Variants in TACC3 observed in about 807,000 individuals in gnomAD.
TACC3 encodes the protein transforming acidic coiled-coil-containing protein 3.
TACC3 carries 52 observed loss-of-function variants against 86.0 expected under a neutral mutation model. The ratio of observed to expected loss-of-function variants is 0.60; its 90% confidence interval spans 0.48 to 0.76. The LOEUF (loss-of-function observed/expected upper bound fraction) is 0.76. Ranked by LOEUF, TACC3 falls within the 30% of genes least tolerant of loss-of-function variation. The pLI, the probability that TACC3 is intolerant of heterozygous loss-of-function variation, is 0.00. For synonymous variants in TACC3, 512 were observed against 430.0 expected (o/e 1.19, Z -2.36); for missense variants, 1,120 against 1,070.4 (o/e 1.05, Z -0.65).
In TACC3 at chr4:1,727,868, A is replaced by G. The variant is rs531939381; in HGVS notation, c.466A>G (p.Ser156Gly). The G allele has an allele frequency of 3.3e-5, 53 of 1,613,742 alleles. No individual in the cohort carries two copies. In the East Asian group the frequency reaches 8.9e-4, roughly 27 times the overall value. The change falls in exon 4 of 16, where the codon AGC becomes GGC. Residue 156 changes from serine (S) to glycine (G), a missense_variant. Coordinates refer to ENST00000313288, the MANE Select transcript of TACC3 (RefSeq NM_006342.3). ...PGALADLDCS[S>G]SSQSPGSSEN... ...TGCCCTGGCTGACCTGGACTGCTCAAGCTCTTCCCAGAGCCCAGGAAGTTC... is the reference window on the plus strand; with the variant it reads ...TGCCCTGGCTGACCTGGACTGCTCAGGCTCTTCCCAGAGCCCAGGAAGTTC...
intron 15 of TACC3, 25 bp from the exon 16 acceptor site, chr4:1,744,923 C>A: frequency 6.2e-7 from 1 of 1,611,604 alleles, no homozygotes. Flanking sequence ...AGGGAGAAGC[C>A]CCGCAACTCA....
intron 13 of TACC3, 117 bp from the exon 14 acceptor site, chr4:1,744,401 C>G: frequency 1.1e-6 from 1 of 914,880 alleles, no homozygotes; most frequent in Non-Finnish European, 1.7e-6. Context: ...ACGGGAGCTA[C>G]TGGCTCACGG....
chr4:1,735,740 T>A lies in TACC3; in HGVS notation c.1654T>A (p.Ser552Thr), dbSNP rs1437010769. The change falls in exon 8 of 16, where the codon TCG (serine) becomes ACG (threonine). Residue 552 changes from serine (S) to threonine (T), a missense_variant. Ser to Thr is a moderately conservative substitution (Grantham distance 58, BLOSUM62 1). Coordinates refer to ENST00000313288, the MANE Select transcript of TACC3 (RefSeq NM_006342.3). This position sits in a 1 kb window ranked among gnomAD's most constrained non-coding sequence, Gnocchi z 4.2. Reference protein sequence around the residue: ...EQFGTSSFKESALRKQSLYLK... With the variant: ...EQFGTSSFKETALRKQSLYLK... ...GCCCTCTTGTCCCCAGTTTAAGGAG[T>A]CGGCCTTGAGGAAGCAGTCCTTATA... The A allele has an allele frequency of 3.7e-6, 6 of 1,610,878 alleles. No individual in the cohort carries two copies. Among genetic ancestry groups the A allele is most frequent in the Non-Finnish European group, 5.1e-6 (6 of 1,179,096 alleles).
At position 1,728,209 on chromosome 4, in the gene TACC3, T is replaced by G; in HGVS notation, c.807T>G (p.Pro269=). 1 of 1,611,926 alleles carries G rather than the reference T, an allele frequency of 6.2e-7. No individual in the cohort carries two copies. Among genetic ancestry groups the G allele is most frequent in the Non-Finnish European group, 8.5e-7 (1 of 1,179,610 alleles). ...GAGGAGCACCCCTGCAGGGTCTGCC[T>G]GGCGAAGCCCTGGGCTGCCCTGCGG... ...ACGGAPLQGL[P]GEALGCPAGV... The change falls in exon 4 of 16, where the codon CCT becomes CCG. Residue 269 remains proline, a synonymous_variant. Coordinates refer to ENST00000313288, the MANE Select transcript of TACC3 (RefSeq NM_006342.3).
At chr4:1,722,552 C>T (rs924279611) in intron 1 of TACC3, among the ~76,000 whole-genome samples, 1 of 152,138 alleles carries the variant, frequency 6.6e-6, no homozygotes, top group Non-Finnish European at 1.5e-5. Context: ...ACCGACCTGC[C>T]GGGGCTGCCC....
chr4:1,743,495 GT>G (rs1284399874), intron 13 of TACC3, among the ~76,000 whole-genome samples: 1 of 152,154 alleles, frequency 6.6e-6, no homozygotes, highest in Non-Finnish European at 1.5e-5. Flanking sequence ...GGAGGTTGCA[GT>G]GAGCCGAGAT....
intron 6 of TACC3, among the ~76,000 whole-genome samples, chr4:1,733,132 A>G (rs1423001597): frequency 6.6e-6 from 1 of 152,118 alleles, no homozygotes; most frequent in Non-Finnish European, 1.5e-5. Context: ...AGCGGGTGGG[A>G]AGCGGATCTG....
At position 1,728,296 on chromosome 4, in the gene TACC3, T is replaced by C. The variant is rs1577210091; in HGVS notation, c.894T>C (p.Ala298=). 1 of 1,612,672 alleles carries C rather than the reference T, an allele frequency of 6.2e-7. No individual in the cohort carries two copies. The highest frequency in any genetic ancestry group is 1.7e-5 in the Admixed American group (1 of 59,998). ...CCCTTACCTGTGCACACACCTCTGC[T>C]CCTGAGAGCACAGCCCCAACCAACC... ...TQTLTCAHTS[A]PESTAPTNHL... The change falls in exon 4 of 16, where the codon GCT becomes GCC. Residue 298 remains alanine (A), a synonymous_variant. Transcript: ENST00000313288.
intron 5 of TACC3, 80 bp downstream of exon 5, chr4:1,731,042 C>T (rs2108694084): frequency 6.2e-7 from 1 of 1,600,084 alleles, no homozygotes; most frequent in East Asian, 2.2e-5. Flanking sequence ...CCCCCAGCAG[C>T]CTTGGGTGAC....
At chr4:1,725,474 C>G (rs779268590) in intron 3 of TACC3, among the ~76,000 whole-genome samples, 8 of 152,178 alleles carry the variant, frequency 5.3e-5, no homozygotes, top group Non-Finnish European at 1.2e-4. Context: ...TTTGGTCAAA[C>G]GAAGCGAGAA....
In TACC3 at chr4:1,735,483, G is replaced by A. The variant is rs1168177363; in HGVS notation, c.1644+158G>A. On this transcript the variant is annotated intron_variant, in intron 7 of 15. Transcript: ENST00000313288. The surrounding 1 kb of genome is among the most constrained non-coding windows in gnomAD (Gnocchi z 4.2). ...CTGTGAATCCAGGGCCCCTTCTGCAGCACCTCCTCTAAGTGGTGTCCTGTG... is the reference window on the plus strand; with the variant it reads ...CTGTGAATCCAGGGCCCCTTCTGCAACACCTCCTCTAAGTGGTGTCCTGTG... Among the ~76,000 whole-genome samples the A allele has an allele frequency of 6.6e-6, 1 of 152,192 alleles. No homozygotes were observed. The highest frequency in any genetic ancestry group is 1.5e-5 in the Non-Finnish European group (1 of 68,032).
At chr4:1,724,679 G>T (rs990997690) in intron 3 of TACC3, among the ~76,000 whole-genome samples, 1 of 152,080 alleles carries the variant, frequency 6.6e-6, no homozygotes, top group African/African-American at 2.4e-5. Context: ...ATCTGTCTGG[G>T]CACCCAGGAA....
In TACC3 at chr4:1,738,296, G is replaced by A. The variant is rs563474962; in HGVS notation, c.1941+594G>A. 2.1e-3 allele frequency: 480 copies of A among 230,436 alleles called. 3 individuals are homozygous for A. Among genetic ancestry groups the A allele is most frequent in the African/African-American group, 0.01 (452 of 44,010 alleles). The allele number at this position is 230,436 out of a possible 1,614,324, so 14.3% of individuals were successfully genotyped here. ...TGCAGACAGGGTGGTTCCGGAGGCC[G>A]GCTGGCAGGGCTGGGTTCAAGCCCC... is the stretch of plus-strand genomic sequence containing the variant. On this transcript the variant is annotated intron_variant, in intron 10 of 15. Transcript: ENST00000313288.
chr4:1,724,818 G>A (rs556083485), intron 3 of TACC3, among the ~76,000 whole-genome samples: 74 of 151,972 alleles, frequency 4.9e-4, no homozygotes, highest in African/African-American at 1.7e-3. Flanking sequence ...CTGGAGTGCC[G>A]TGGTGCCATC....
At chr4:1,737,495 T>C in intron 9 of TACC3, 103 bp from the exon 10 acceptor site, 1 of 1,139,792 alleles carries the variant, frequency 8.8e-7, no homozygotes, top group Non-Finnish European at 1.2e-6. Context: ...CCTCATGCAC[T>C]GTCTGAGGCT....
intron 12 of TACC3, 152 bp downstream of exon 12, chr4:1,740,154 G>A: frequency 1.4e-6 from 1 of 732,442 alleles, no homozygotes; most frequent in South Asian, 1.8e-5. Context: ...GGCCGTGGAA[G>A]CACTGAGGCG....
At chr4:1,722,582 C>A (rs550278052) in intron 1 of TACC3, among the ~76,000 whole-genome samples, 1 of 152,198 alleles carries the variant, frequency 6.6e-6, no homozygotes, top group Non-Finnish European at 1.5e-5. Flanking sequence ...TCTCCAGGAC[C>A]CTCCCCAACT....
At position 1,735,263 on chromosome 4, in the gene TACC3, C is replaced by T. The variant is rs1718196307; in HGVS notation, c.1592-10C>T. The T allele has an allele frequency of 1.2e-6, 2 of 1,613,834 alleles. No individual in the cohort carries two copies. ...GGGGCGATGGCGGCGGCATGATTCACTCCTCTCAGTTCTAGGCACGGGCGC... is the reference window on the plus strand; with the variant it reads ...GGGGCGATGGCGGCGGCATGATTCATTCCTCTCAGTTCTAGGCACGGGCGC... On this transcript the variant is annotated splice_polypyrimidine_tract_variant and intron_variant, in intron 6 of 15. Coordinates refer to ENST00000313288, the MANE Select transcript of TACC3 (RefSeq NM_006342.3). The surrounding 1 kb of genome is among the most constrained non-coding windows in gnomAD (Gnocchi z 4.2).
At position 1,729,107 on chromosome 4, in the gene TACC3, T is replaced by G. The variant is rs185200316; in HGVS notation, c.1385+320T>G. 2.7e-4 allele frequency among the ~76,000 whole-genome samples: 41 copies of G among 152,274 alleles called. No homozygotes were observed. In the East Asian group the frequency reaches 2.7e-3, roughly 10 times the overall value. On this transcript the variant is annotated intron_variant, in intron 4 of 15. Transcript: ENST00000313288. ...CAGTCATGTTCCTCCTCAGGTGAAC[T>G]TGACTTGGGTGTGTAACTCCAAAAG...
Sources: allele counts gnomAD v4.1 joint callset (sites outside exome capture counted in the v4.1 genomes callset), GRCh38; gene constraint gnomAD v4.1.1; non-coding constraint Gnocchi (gnomAD v3.1); transcripts MANE v1.5; gene names NCBI Gene and HGNC (gene_info 2026-07-23, HGNC 2026-07-21).